The following TSG101 variants were observed in gnomAD, a reference collection of about 807,000 sequenced individuals.
The protein encoded by TSG101 is tumor susceptibility 101.
A neutral mutation model predicts 48.5 loss-of-function variants in TSG101; 19 were observed. The observed-to-expected ratio is 0.39, with a 90% CI of 0.27 to 0.58. TSG101 has a LOEUF of 0.58. Among genes scored for constraint, TSG101 ranks in the 20% least tolerant of loss-of-function variants. The probability of loss-of-function intolerance (pLI) is 0.55; values close to 1 mark genes in which losing one functional copy is unlikely to be tolerated. For synonymous variants in TSG101, 174 were observed against 169.4 expected (o/e 1.03, Z -0.21); for missense variants, 365 against 484.4 (o/e 0.75, Z 2.31).
chr11:18,507,097 T>C (rs1249624235), intron 5 of TSG101, among the ~76,000 whole-genome samples, 174 bp from the exon 6 acceptor site: 1 of 152,196 alleles, frequency 6.6e-6, no homozygotes, highest in Non-Finnish European at 1.5e-5. Context: ...CCTGAAATCA[T>C]TAAACATGAA....
rs1384387598 is a variant in TSG101 at position 18,481,870 on chromosome 11, C to A, written c.844-1G>T. On this transcript the variant is annotated splice_acceptor_variant, in intron 8 of 9. Coordinates refer to ENST00000251968, the MANE Select transcript of TSG101 (RefSeq NM_006292.4). LOFTEE classifies it high-confidence loss of function. ...GTTCTATGTTTTTATCAACCTCGGC[C>A]TGAAAACAGAACAGTCCAAGCATTA... The A allele has an allele frequency of 6.2e-7, 1 of 1,612,382 alleles. No homozygotes were observed. Among genetic ancestry groups the A allele is most frequent in the Admixed American group, 1.7e-5 (1 of 59,980 alleles).
intron 7 of TSG101, 55 bp downstream of exon 7, chr11:18,502,431 A>G: frequency 7.0e-7 from 1 of 1,434,240 alleles, no homozygotes; most frequent in Non-Finnish European, 9.7e-7. Flanking sequence ...GCTTTTCACA[A>G]CAGGGAGTTA....
chr11:18,522,387 G>C (rs1165213449), intron 1 of TSG101, among the ~76,000 whole-genome samples: 4 of 152,084 alleles, frequency 2.6e-5, no homozygotes, highest in Non-Finnish European at 5.9e-5. Flanking sequence ...CCTTCCAGGT[G>C]CTCAGGCCAA....
intron 4 of TSG101, among the ~76,000 whole-genome samples, chr11:18,509,983 A>G (rs539280176): frequency 2.0e-5 from 3 of 152,226 alleles, no homozygotes; most frequent in Non-Finnish European, 4.4e-5. Context: ...ACAATGTATT[A>G]TAAGTATACT....
At chr11:18,489,816 C>T (rs1436737519) in intron 7 of TSG101, among the ~76,000 whole-genome samples, 1 of 152,154 alleles carries the variant, frequency 6.6e-6, no homozygotes, top group African/African-American at 2.4e-5. Context: ...CAGGTTCTAG[C>T]ATCATAATAT....
At chr11:18,499,992 T>A (rs1849863184) in intron 7 of TSG101, among the ~76,000 whole-genome samples, 1 of 152,224 alleles carries the variant, frequency 6.6e-6, no homozygotes, top group African/African-American at 2.4e-5. Flanking sequence ...CCTTTCTTCA[T>A]AAGCCCTATC....
intron 2 of TSG101, among the ~76,000 whole-genome samples, chr11:18,518,776 C>A (rs951955764): frequency 6.6e-6 from 1 of 151,776 alleles, no homozygotes; most frequent in Admixed American, 6.6e-5. Flanking sequence ...TTGCTCGTCT[C>A]GGTGATACAC....
Position 18,481,751 on chromosome 11 carries a change from G to T in TSG101, c.962C>A (p.Thr321Lys). The T allele has an allele frequency of 1.2e-6, 2 of 1,614,180 alleles. No individual in the cohort carries two copies. The highest frequency in any genetic ancestry group is 1.7e-6 in the Non-Finnish European group (2 of 1,180,022). Residue 321 changes from threonine (T) to lysine (K), a missense_variant, in exon 9 of 10, where the codon ACA becomes AAA. Coordinates refer to ENST00000251968, the MANE Select transcript of TSG101 (RefSeq NM_006292.4). ...CAGGATCTGTTTGTATAAGGGAGCT[G>T]TGGGAATGATAACTTCATCGATATC... ...NNDIDEVIIP[T>K]APLYKQILNL...
chr11:18,519,791 T>C (rs534424635), intron 1 of TSG101, among the ~76,000 whole-genome samples, 188 bp from the exon 2 acceptor site: 1 of 152,318 alleles, frequency 6.6e-6, no homozygotes, highest in African/African-American at 2.4e-5. Flanking sequence ...TAAATATCTA[T>C]AGTCTCAAGT....
intron 2 of TSG101, among the ~76,000 whole-genome samples, chr11:18,516,470 G>A (rs898030083): frequency 3.3e-5 from 5 of 151,416 alleles, no homozygotes; most frequent in Non-Finnish European, 5.9e-5. Flanking sequence ...TCAGCATCCC[G>A]AGTAGTTGGG....
chr11:18,499,891 A>T (rs1208585202), intron 7 of TSG101, among the ~76,000 whole-genome samples: 1 of 152,122 alleles, frequency 6.6e-6, no homozygotes, highest in African/African-American at 2.4e-5. Context: ...TGAAATAGAC[A>T]ATACATTGTT....
intron 7 of TSG101, among the ~76,000 whole-genome samples, chr11:18,485,136 C>A (rs544923622): frequency 6.6e-6 from 1 of 152,110 alleles, no homozygotes; most frequent in South Asian, 2.1e-4. Context: ...GTTAGATGAT[C>A]CTGCTTTTTA....
At chr11:18,486,498 C>A (rs909005842) in intron 7 of TSG101, among the ~76,000 whole-genome samples, 1 of 152,186 alleles carries the variant, frequency 6.6e-6, no homozygotes, top group Non-Finnish European at 1.5e-5. Flanking sequence ...TCTTATGCAG[C>A]CAAAAGACAC....
At chr11:18,524,305 TA>T (rs2133936333) in intron 1 of TSG101, among the ~76,000 whole-genome samples, 1 of 152,286 alleles carries the variant, frequency 6.6e-6, no homozygotes, top group African/African-American at 2.4e-5. Flanking sequence ...GGAGCTAAGA[TA>T]ATGCTCAAGG....
chr11:18,496,830 C>T (rs997614845), intron 7 of TSG101, among the ~76,000 whole-genome samples: 1 of 152,098 alleles, frequency 6.6e-6, no homozygotes, highest in Admixed American at 6.6e-5. Context: ...GTGGCTCAGG[C>T]CTGTAATACC....
chr11:18,503,081 G>T (rs2133919257), intron 6 of TSG101, among the ~76,000 whole-genome samples: 1 of 151,862 alleles, frequency 6.6e-6, no homozygotes, highest in East Asian at 1.9e-4. Context: ...TCACTTTCTG[G>T]ACAGTTTCTG....
chr11:18,526,653 A>G, intron 1 of TSG101, 122 bp downstream of exon 1: 1 of 1,213,526 alleles, frequency 8.2e-7, no homozygotes, highest in Non-Finnish European at 1.1e-6. Flanking sequence ...GAGGTCGCTA[A>G]GGACTGCACC....
chr11:18,481,664 C>T lies in TSG101; in HGVS notation c.1049G>A (p.Arg350Lys). 1 of 1,614,170 alleles carries T rather than the reference C, an allele frequency of 6.2e-7. No individual in the cohort carries two copies. The change falls in exon 9 of 10, where the codon AGA becomes AAA. Residue 350 changes from arginine (R) to lysine (K), a missense_variant. Arg to Lys is a conservative substitution (Grantham distance 26). Coordinates refer to ENST00000251968, the MANE Select transcript of TSG101 (RefSeq NM_006292.4). ...GACATCCAGGTCTATCACGCCCCTT[C>T]TCAAGGCTTCTCCCAAGTAAAAGAT... Reference protein sequence around the residue: ...DTIFYLGEALRRGVIDLDVFL... With the variant: ...DTIFYLGEALKRGVIDLDVFL...
chr11:18,519,460 A>G lies in TSG101; in HGVS notation c.127+59T>C, dbSNP rs1011498503. 4 of 1,370,686 alleles carry G rather than the reference A, an allele frequency of 2.9e-6. No individual in the cohort carries two copies. In the African/African-American group the frequency reaches 4.4e-5, roughly 15 times the overall value. The allele number at this position is 1,370,686 out of a possible 1,614,324, so 84.9% of individuals were successfully genotyped here. ...ACCTCAAATGGAAAAAATTACAATC[A>G]TTAACAAAGAGAGTAAACTCAAAGT... On this transcript the variant is annotated intron_variant, in intron 2 of 9. Transcript: ENST00000251968.
Sources: allele counts gnomAD v4.1 joint callset (sites outside exome capture counted in the v4.1 genomes callset), GRCh38; gene constraint gnomAD v4.1.1; transcripts MANE v1.5; gene names NCBI Gene and HGNC (gene_info 2026-07-23, HGNC 2026-07-21).